The following PTPRO variants were observed in gnomAD, a reference collection of about 807,000 sequenced individuals.
The protein encoded by PTPRO is protein tyrosine phosphatase receptor type O.
Under a neutral mutation model 145.2 loss-of-function variants are expected in PTPRO, and 62 were observed. The ratio of observed to expected loss-of-function variants is 0.43; its 90% CI spans 0.35 to 0.53. PTPRO has a LOEUF of 0.53. PTPRO is among the 20% of genes least tolerant of loss of function. PTPRO has a pLI of 0.01. For synonymous variants in PTPRO, 565 were observed against 514.7 expected, an observed-to-expected ratio of 1.10 and a Z score of -1.32; for missense variants, 1,345 against 1,482.7, an observed-to-expected ratio of 0.91 and a Z score of 1.53.
At chr12:15,396,443 C>CA (rs5796632) in intron 1 of PTPRO, among the ~76,000 whole-genome samples, 4 of 151,192 alleles carry the variant, frequency 2.6e-5, no homozygotes, top group Non-Finnish European at 5.9e-5. Context: ...TACTAAATTA[C>CA]AAAAAAAATT....
At chr12:15,518,265 G>A (rs1054563308) in intron 9 of PTPRO, among the ~76,000 whole-genome samples, 26 of 152,158 alleles carry the variant, frequency 1.7e-4, no homozygotes, top group African/African-American at 5.8e-4. Flanking sequence ...TGATCTCTAC[G>A]TTGGCCCCTT....
chr12:15,562,920 C>T (rs1415602241), intron 17 of PTPRO, among the ~76,000 whole-genome samples: 1 of 151,942 alleles, frequency 6.6e-6, no homozygotes, highest in African/African-American at 2.4e-5. Context: ...TACTAAAGTC[C>T]TTTTTAAGGT....
At chr12:15,336,449 G>A (rs1480686115) in intron 1 of PTPRO, among the ~76,000 whole-genome samples, 2 of 152,176 alleles carry the variant, frequency 1.3e-5, no homozygotes, top group Non-Finnish European at 1.5e-5. Context: ...GTGGGGAAAA[G>A]GAATTTGTTG....
In PTPRO at chr12:15,515,683, T is replaced by C; in HGVS notation, c.1585+65T>C. 1.9e-6 allele frequency: 3 copies of C among 1,595,256 alleles called. No individual in the cohort carries two copies. In the South Asian group the frequency reaches 3.3e-5, roughly 18 times the overall value. ...TTAGGGTATTGACGGAGGGGTGCAA[T>C]GTGCGAGCTCAAATCATTATCATCG... On this transcript the variant is annotated intron_variant, in intron 8 of 26. Transcript: ENST00000281171.
At chr12:15,569,569 G>A (rs1404086949) in intron 19 of PTPRO, 71 bp downstream of exon 19, 4 of 1,349,196 alleles carry the variant, frequency 3.0e-6, no homozygotes, top group Admixed American at 3.4e-5. Flanking sequence ...TTGTGTTGCG[G>A]TCATGTCCCT....
At chr12:15,346,897 G>A (rs764258625) in intron 1 of PTPRO, among the ~76,000 whole-genome samples, 4 of 152,138 alleles carry the variant, frequency 2.6e-5, no homozygotes, top group African/African-American at 4.8e-5. Context: ...CACTTTGTTA[G>A]TGTCATCTCT....
chr12:15,531,996 T>C (rs1321149628), intron 12 of PTPRO, among the ~76,000 whole-genome samples: 1 of 152,166 alleles, frequency 6.6e-6, no homozygotes, highest in East Asian at 1.9e-4. Context: ...GGTAGTATTG[T>C]TGGCAGTGAT....
Position 15,508,704 on chromosome 12 carries a change from G to T in PTPRO, c.1401G>T (p.Val467=). The change falls in exon 7 of 27, where the codon GTG becomes GTT. Residue 467 remains valine (V), a synonymous_variant. Coordinates refer to ENST00000281171, the MANE Select transcript of PTPRO (RefSeq NM_030667.3). The part of the protein sequence containing the change: ...QENYNSTIVS[V]VSLTCQKQKE... ...ACTACAACAGCACCATTGTGTCTGT[G>T]GTGTCGCTGACCTGCCAGAAACAAA... The T allele has an allele frequency of 6.2e-7, 1 of 1,614,094 alleles. No individual in the cohort carries two copies. Among genetic ancestry groups the T allele is most frequent in the Non-Finnish European group, 8.5e-7 (1 of 1,179,994 alleles).
chr12:15,579,445 C>T (rs1011258922), intron 20 of PTPRO, among the ~76,000 whole-genome samples: 1 of 152,220 alleles, frequency 6.6e-6, no homozygotes, highest in African/African-American at 2.4e-5. Flanking sequence ...TCACTTTTCT[C>T]TCTGCTACAC....
chr12:15,488,163 G>A (rs1320818669), intron 2 of PTPRO, among the ~76,000 whole-genome samples: 1 of 152,076 alleles, frequency 6.6e-6, no homozygotes, highest in Non-Finnish European at 1.5e-5. Context: ...TGTTGTCCTG[G>A]GGCTTTCTAC....
intron 1 of PTPRO, among the ~76,000 whole-genome samples, chr12:15,432,960 CTGTTGATAGTTTTCATTTGTT>C (rs1389264884): frequency 6.6e-6 from 1 of 152,074 alleles, no homozygotes; most frequent in Non-Finnish European, 1.5e-5. Context: ...TCAGTTTACT[CTGTTGATAGTTTTCATTTGTT>C]TGTTTTTGTT....
chr12:15,504,840 C>T (rs926498525), intron 6 of PTPRO, among the ~76,000 whole-genome samples: 41 of 152,222 alleles, frequency 2.7e-4, no homozygotes, highest in African/African-American at 9.6e-4. Context: ...GCAAATACCA[C>T]CTTTCGTTGA....
At chr12:15,461,804 G>T (rs1211485206) in intron 1 of PTPRO, among the ~76,000 whole-genome samples, 2 of 151,934 alleles carry the variant, frequency 1.3e-5, no homozygotes, top group Non-Finnish European at 2.9e-5. Flanking sequence ...CTGACCTCGT[G>T]ATCCGCCCGC....
At chr12:15,499,393 T>TTTA (rs773719091) in intron 3 of PTPRO, 49 bp from the exon 4 acceptor site, 1 of 1,556,754 alleles carries the variant, frequency 6.4e-7, no homozygotes, top group South Asian at 1.1e-5. Context: ...CAGAAGTGTG[T>TTTA]GATGTTTAGA....
chr12:15,484,220 C>G lies in PTPRO; in HGVS notation c.322C>G (p.Pro108Ala). 6.2e-7 allele frequency: 1 copy of G among 1,613,382 alleles called. No homozygotes were observed. The highest frequency in any genetic ancestry group is 8.5e-7 in the Non-Finnish European group (1 of 1,179,596). The change falls in exon 2 of 27, where the codon CCA becomes GCA. Residue 108 changes from proline (P) to alanine (A), a missense_variant. By Grantham distance (27) the Pro-to-Ala change is conservative. This residue lies in a region of PTPRO where 1,130 missense variants were observed against 1,214.7 expected (regional missense o/e 0.93). Coordinates refer to ENST00000281171, the MANE Select transcript of PTPRO (RefSeq NM_030667.3). ...GGTAAATGGAAATGTGGTGACCAAG[C>G]CATCCAGATCAATCACTGTGTTAAC... The part of the protein sequence containing the change: ...VVVNGNVVTK[P>A]SRSITVLTKP...
At chr12:15,548,221 A>C (rs1943349031) in intron 13 of PTPRO, among the ~76,000 whole-genome samples, 1 of 152,206 alleles carries the variant, frequency 6.6e-6, no homozygotes, top group African/African-American at 2.4e-5. Flanking sequence ...AATGCAAAAT[A>C]AAACTACAAT....
intron 1 of PTPRO, among the ~76,000 whole-genome samples, chr12:15,335,707 G>A (rs912533012): frequency 6.6e-5 from 10 of 151,912 alleles, no homozygotes; most frequent in African/African-American, 1.9e-4. Flanking sequence ...TTTAATTAGC[G>A]AAATTTGCTA....
At chr12:15,573,021 C>G (rs57778151) in intron 19 of PTPRO, among the ~76,000 whole-genome samples, 6,007 of 145,814 alleles carry the variant, frequency 0.041, 385 homozygotes, top group African/African-American at 0.16. Context: ...AGGCTACAAT[C>G]AAGCTTTATA....
intron 19 of PTPRO, 102 bp downstream of exon 19, chr12:15,569,600 A>G (rs1943991007): frequency 9.5e-7 from 1 of 1,051,048 alleles, no homozygotes; most frequent in Non-Finnish European, 1.5e-6. Context: ...AGTGCGTAAC[A>G]AAAAGGGTAT....
Sources: allele counts gnomAD v4.1 joint callset (sites outside exome capture counted in the v4.1 genomes callset), GRCh38; gene constraint gnomAD v4.1.1; regional missense constraint gnomAD v4.1.1; transcripts MANE v1.5; gene names NCBI Gene and HGNC (gene_info 2026-07-23, HGNC 2026-07-21).